Variants in KALRN observed in about 807,000 individuals in gnomAD.
KALRN encodes the protein kalirin.
KALRN carries 70 observed loss-of-function variants against 353.7 expected under a neutral mutation model. That is an observed-to-expected ratio of 0.20 (90% CI 0.16 to 0.24). The LOEUF (loss-of-function observed/expected upper bound fraction) is 0.24, where lower values mean the gene tolerates loss of function less well. Among genes scored for constraint, KALRN ranks in the 10% least tolerant of loss-of-function variants. KALRN has a pLI of 1.00. For missense variants in KALRN, 2,791 were observed against 3,756.7 expected, an observed-to-expected ratio of 0.74 and a Z score of 6.72; for synonymous variants, 1,391 against 1,434.8, an observed-to-expected ratio of 0.97 and a Z score of 0.69.
At chr3:124,450,722 C>G (rs1374618644) in intron 21 of KALRN, among the ~76,000 whole-genome samples, 1 of 152,080 alleles carries the variant, frequency 6.6e-6, no homozygotes, top group Non-Finnish European at 1.5e-5. Flanking sequence ...GCCACCAGGT[C>G]TGGCTGATTT....
chr3:124,232,013 T>C (rs1244276280), intron 2 of KALRN, among the ~76,000 whole-genome samples: 2 of 152,242 alleles, frequency 1.3e-5, no homozygotes, highest in Non-Finnish European at 2.9e-5. Context: ...TCTGTGGTTT[T>C]AGTCCCTTAC....
intron 33 of KALRN, among the ~76,000 whole-genome samples, chr3:124,548,187 A>C (rs996380824): frequency 6.6e-6 from 1 of 152,158 alleles, no homozygotes; most frequent in African/African-American, 2.4e-5. Context: ...ACTACAGGGG[A>C]AGGGGTACAG....
intron 11 of KALRN, among the ~76,000 whole-genome samples, chr3:124,391,997 C>T (rs2089458780): frequency 6.6e-6 from 1 of 152,188 alleles, no homozygotes; most frequent in Admixed American, 6.5e-5. Flanking sequence ...CAAACTTTCC[C>T]TTTGCCCTCT....
intron 48 of KALRN, among the ~76,000 whole-genome samples, chr3:124,672,938 T>C (rs944519171): frequency 3.3e-5 from 5 of 152,240 alleles, no homozygotes; most frequent in Non-Finnish European, 5.9e-5. Flanking sequence ...TATTAGTTTA[T>C]ATTGGTTATA....
rs1464577726 is a variant in KALRN at position 124,168,580 on chromosome 3, G to C, written c.74-59410G>C. On this transcript the variant is annotated intron_variant, in intron 1 of 59. Coordinates refer to ENST00000682506, the MANE Select transcript of KALRN (RefSeq NM_001388419.1). ...AGTTAAACTAGGGGAATCTCCCTGG[G>C]GAGAGGCTCAGTGATACCACTTTCT... Among the ~76,000 whole-genome samples the C allele has an allele frequency of 7.9e-5, 12 of 152,194 alleles. 1 individual carries two copies. Among genetic ancestry groups the C allele is most frequent in the Admixed American group, 7.9e-4 (12 of 15,276 alleles).
chr3:124,254,422 C>CAAAAAAAA (rs35522040), intron 3 of KALRN, among the ~76,000 whole-genome samples: 1 of 121,264 alleles, frequency 8.2e-6, no homozygotes. Context: ...ATCTATGAAG[C>CAAAAAAAA]AAAAAAAAAA....
At chr3:124,643,616 G>A (rs2082353791) in intron 37 of KALRN, among the ~76,000 whole-genome samples, 1 of 152,036 alleles carries the variant, frequency 6.6e-6, no homozygotes, top group Non-Finnish European at 1.5e-5. Context: ...TGAGTAGGTG[G>A]GACTATGGGC....
chr3:124,543,240 T>C (rs1398177285), intron 33 of KALRN, among the ~76,000 whole-genome samples: 5 of 151,622 alleles, frequency 3.3e-5, no homozygotes, highest in African/African-American at 1.2e-4. Flanking sequence ...CACACTCAAG[T>C]AGAGGAGAGA....
At chr3:124,492,207 A>T (rs1173698065) in intron 31 of KALRN, among the ~76,000 whole-genome samples, 1 of 152,230 alleles carries the variant, frequency 6.6e-6, no homozygotes, top group Non-Finnish European at 1.5e-5. Flanking sequence ...AAATTCTACC[A>T]AGACAAATGG....
rs1283191058 is a variant in KALRN at position 124,488,195 on chromosome 3, T to C, written c.4285-9T>C. 4 of 1,602,174 alleles carry C rather than the reference T, an allele frequency of 2.5e-6. No individual in the cohort carries two copies. Among genetic ancestry groups the C allele is most frequent in the Non-Finnish European group, 3.4e-6 (4 of 1,169,990 alleles). ...GGCCCTAATTATGTCCGGACTTTTT[T>C]TTCCCCAGGAACTTTTAACTTGCTG... On this transcript the variant is annotated splice_polypyrimidine_tract_variant and intron_variant, in intron 28 of 59. Coordinates refer to ENST00000682506, the MANE Select transcript of KALRN (RefSeq NM_001388419.1).
rs113472312 is a variant in KALRN at position 124,208,032 on chromosome 3, CT to C, written c.74-19955del. ...TGTTAACAGTGAGACTGGGTACACG[CT>C]TTCCCCCCCAGTTCAGTGTCCTTAA... On this transcript the variant is annotated intron_variant, in intron 1 of 59. Transcript: ENST00000682506. 2.0e-3 allele frequency among the ~76,000 whole-genome samples: 308 copies of C among 152,304 alleles called. 1 individual carries two copies. Among genetic ancestry groups the C allele is most frequent in the African/African-American group, 7.1e-3 (296 of 41,574 alleles).
chr3:124,367,289 A>C (rs1475787658), intron 10 of KALRN, among the ~76,000 whole-genome samples: 5 of 40,106 alleles, frequency 1.2e-4, no homozygotes, highest in African/African-American at 2.3e-4. Context: ...CGGGGGGCTG[A>C]CCCCCCCACC....
At chr3:124,363,803 G>A (rs978306489) in intron 10 of KALRN, among the ~76,000 whole-genome samples, 4 of 152,230 alleles carry the variant, frequency 2.6e-5, no homozygotes, top group Non-Finnish European at 5.9e-5. Context: ...TAAAGCTAAA[G>A]CTAATGATTT....
At chr3:124,131,326 C>T (rs2065247830) in intron 1 of KALRN, among the ~76,000 whole-genome samples, 1 of 152,132 alleles carries the variant, frequency 6.6e-6, no homozygotes, top group African/African-American at 2.4e-5. Context: ...TCTCTCAGCC[C>T]CAGTTACCAA....
intron 1 of KALRN, among the ~76,000 whole-genome samples, chr3:124,178,358 T>A (rs1364198196): frequency 6.6e-6 from 1 of 152,188 alleles, no homozygotes; most frequent in African/African-American, 2.4e-5. Flanking sequence ...AATACAACAA[T>A]TATAAGAATT....
intron 10 of KALRN, among the ~76,000 whole-genome samples, chr3:124,362,238 C>G (rs2084134707): frequency 1.3e-5 from 2 of 152,338 alleles, no homozygotes; most frequent in South Asian, 4.1e-4. Flanking sequence ...ACCCACCAGG[C>G]AGATCTGTCT....
chr3:124,678,169 G>A, intron 49 of KALRN, 21 bp from the exon 50 acceptor site: 1 of 1,612,064 alleles, frequency 6.2e-7, no homozygotes, highest in Non-Finnish European at 8.5e-7. Context: ...ATTTTGATTG[G>A]TGCATTTTTT....
In KALRN at chr3:124,563,104, C is replaced by A. The variant is rs143429804; in HGVS notation, c.5182+15C>A. 2 of 1,363,494 alleles carry A rather than the reference C, an allele frequency of 1.5e-6. No individual in the cohort carries two copies. Among genetic ancestry groups the A allele is most frequent in the Non-Finnish European group, 2.0e-6 (2 of 1,019,266 alleles). 84.5% of individuals were successfully genotyped at this position (1,363,494 alleles called of 1,614,324 possible). A position where few individuals can be genotyped will look rare whatever the true frequency, so the allele number is the denominator to read the frequency against. ...CTTGGTGAAAGGTAGGAGAACAGAG[C>A]GGGTGGGAGGCACAGACCAAGGAGG... On this transcript the variant is annotated intron_variant, in intron 34 of 59. Transcript: ENST00000682506.
intron 33 of KALRN, chr3:124,519,712 A>G: frequency 1.2e-5 from 12 of 985,482 alleles, no homozygotes; most frequent in Non-Finnish European, 1.4e-5. Context: ...CACCTGGCTC[A>G]GGAAAGGACT....
Sources: allele counts gnomAD v4.1 joint callset (sites outside exome capture counted in the v4.1 genomes callset), GRCh38; gene constraint gnomAD v4.1.1; transcripts MANE v1.5; gene names NCBI Gene and HGNC (gene_info 2026-07-23, HGNC 2026-07-21).